The following HMGN2 variants were observed in gnomAD, a reference collection of about 807,000 sequenced individuals.
The protein encoded by HMGN2 is high mobility group nucleosomal binding domain 2.
In HMGN2, 2 loss-of-function variants were observed where a neutral mutation model predicts 16.9. That is an observed-to-expected ratio of 0.12 (90% CI 0.05 to 0.37). The LOEUF is 0.37. Ranked by LOEUF, HMGN2 falls within the 10% of genes least tolerant of loss-of-function variation. The probability of loss-of-function intolerance (pLI) is 1.00; values close to 1 mark genes in which losing one functional copy is unlikely to be tolerated. For synonymous variants in HMGN2, 31 were observed against 34.9 expected (o/e 0.89, Z 0.39); for missense variants, 90 against 106.0 (o/e 0.85, Z 0.66).
chr1:26,474,235 T>C, intron 4 of HMGN2, 100 bp downstream of exon 4: 1 of 848,504 alleles, frequency 1.2e-6, no homozygotes, highest in South Asian at 1.7e-5. Context: ...ATGGAGGTTA[T>C]AAACTGTGTG....
In HMGN2 at chr1:26,473,535, A is replaced by G. The variant is rs2075589626; in HGVS notation, c.60+8A>G. 6.2e-7 allele frequency: 1 copy of G among 1,609,836 alleles called. No homozygotes were observed. The highest frequency in any genetic ancestry group is 8.5e-7 in the Non-Finnish European group (1 of 1,176,068). Reference sequence around the variant, plus strand: ...GCAAAGGTGAAGGACGAAGTAAGTCATTCTCTCTTCAAGGGTCAAAGCCTT... The same window carrying G: ...GCAAAGGTGAAGGACGAAGTAAGTCGTTCTCTCTTCAAGGGTCAAAGCCTT... On this transcript the variant is annotated splice_region_variant and intron_variant, in intron 2 of 5. Coordinates refer to ENST00000361427, the MANE Select transcript of HMGN2 (RefSeq NM_005517.4).
rs972695361 is a variant in HMGN2, at chr1:26,474,657, A to G, written c.227A>G (p.Lys76Arg). 4.6e-6 allele frequency: 7 copies of G among 1,513,950 alleles called. No homozygotes were observed. Among genetic ancestry groups the G allele is most frequent in the African/African-American group, 2.7e-5 (2 of 72,952 alleles). 93.8% of individuals were successfully genotyped at this position (1,513,950 alleles called of 1,614,324 possible). Residue 76 changes from lysine to arginine, a missense_variant, in exon 5 of 6, where the codon AAA becomes AGA. Physicochemically the swap from Lys to Arg is conservative, Grantham distance 26 (BLOSUM62 2). Coordinates refer to ENST00000361427, the MANE Select transcript of HMGN2 (RefSeq NM_005517.4). ...GNNPAENGDAKTDQAQKAEGA... is the reference protein window; with the variant it reads ...GNNPAENGDARTDQAQKAEGA... ...AACCCTGCAGAAAATGGAGATGCCA[A>G]AACAGACCAGGTATAACTGCTGTTT...
intron 4 of HMGN2, 117 bp from the exon 5 acceptor site, chr1:26,474,455 G>C (rs1274773417): frequency 3.1e-6 from 2 of 652,474 alleles, no homozygotes; most frequent in Admixed American, 2.6e-5. Context: ...CTTGTCAAAT[G>C]GGTGAGGGTT....
intron 1 of HMGN2, 24 bp from the exon 2 acceptor site, chr1:26,473,459 G>A (rs756371425): frequency 3.1e-6 from 5 of 1,598,482 alleles, no homozygotes; most frequent in Admixed American, 1.7e-5. Flanking sequence ...AAAATCTGCA[G>A]TTTTTTGTTC....
intron 1 of HMGN2, 118 bp downstream of exon 1, chr1:26,472,745 C>A (rs1274628047): frequency 1.1e-6 from 1 of 922,216 alleles, no homozygotes; most frequent in Non-Finnish European, 1.6e-6. Flanking sequence ...CCTCCCCGCG[C>A]GGGGGCTGGA....
In HMGN2 at chr1:26,475,300, GT is replaced by G; in HGVS notation, c.*157del. ...TTAGCACACAGAACACTTCATTGTT[GT>G]TTTTGGGGGAAGGGGCATATGTCAC... On this transcript the variant is annotated 3_prime_UTR_variant, in exon 6 of 6. Coordinates refer to ENST00000361427, the MANE Select transcript of HMGN2 (RefSeq NM_005517.4). The G allele has an allele frequency of 5.7e-6, 3 of 524,950 alleles. No homozygotes were observed. The highest frequency in any genetic ancestry group is 6.7e-6 in the Non-Finnish European group (2 of 296,708). 32.5% of individuals were successfully genotyped at this position (524,950 alleles called of 1,614,324 possible).
rs80026640 is a variant in HMGN2, at chr1:26,474,070, T to C, written c.91-15T>C. On this transcript the variant is annotated splice_polypyrimidine_tract_variant and intron_variant, in intron 3 of 5. Transcript: ENST00000361427. ...TACTGATGTTCACTTTTTCCTCTCT[T>C]CCTGCCAAAAAAAGAAACCTGCTCC... 131 of 1,607,546 alleles carry C rather than the reference T, an allele frequency of 8.1e-5. No homozygotes were observed. In the African/African-American group the frequency reaches 1.5e-3, roughly 19 times the overall value.
intron 3 of HMGN2, 39 bp from the exon 4 acceptor site, chr1:26,474,046 A>G: frequency 1.3e-6 from 2 of 1,562,878 alleles, no homozygotes; most frequent in Non-Finnish European, 1.8e-6. Flanking sequence ...AGTCCATTGT[A>G]CTGATGTTCA....
chr1:26,473,314 GGA>G, intron 1 of HMGN2, 167 bp from the exon 2 acceptor site: 1 of 572,978 alleles, frequency 1.7e-6, no homozygotes, highest in Non-Finnish European at 3.1e-6. Flanking sequence ...TCGGCGAGCC[GGA>G]GCTCCTGCGC....
Position 26,475,244 on chromosome 1 carries a change from T to TA in HMGN2, c.*97dup. Reference sequence around the variant, plus strand: ...TTTATAAAAATGCAGAATTTTGTTTTACTTTTTTTTTTTTTTTAAAAGCTA... The same window carrying TA: ...TTTATAAAAATGCAGAATTTTGTTTTAACTTTTTTTTTTTTTTTAAAAGCTA... On this transcript the variant is annotated 3_prime_UTR_variant, in exon 6 of 6. Coordinates refer to ENST00000361427, the MANE Select transcript of HMGN2 (RefSeq NM_005517.4). 1 of 889,816 alleles carries TA rather than the reference T, an allele frequency of 1.1e-6. No individual in the cohort carries two copies. The highest frequency in any genetic ancestry group is 1.6e-5 in the South Asian group (1 of 62,208). The allele number at this position is 889,816 out of a possible 1,614,324, so 55.1% of individuals were successfully genotyped here. A position where few individuals can be genotyped will look rare whatever the true frequency, so the allele number is the denominator to read the frequency against.
intron 1 of HMGN2, 36 bp downstream of exon 1, chr1:26,472,663 A>G (rs1321224477): frequency 2.7e-6 from 4 of 1,505,702 alleles, no homozygotes; most frequent in East Asian, 2.5e-5. Flanking sequence ...CCGGGCCACC[A>G]CTGCCGCCAC....
At chr1:26,473,925 G>T in intron 3 of HMGN2, 160 bp from the exon 4 acceptor site, 1 of 790,228 alleles carries the variant, frequency 1.3e-6, no homozygotes, top group Non-Finnish European at 2.0e-6. Context: ...CATTTGAGTG[G>T]GCTTCTGGAA....
chr1:26,472,520 A>C lies in HMGN2; in HGVS notation c.-93A>C, dbSNP rs746630457. 5.0e-5 allele frequency: 72 copies of C among 1,439,288 alleles called. No individual in the cohort carries two copies. The highest frequency in any genetic ancestry group is 1.2e-4 in the Admixed American group (6 of 50,804). 89.2% of individuals were successfully genotyped at this position (1,439,288 alleles called of 1,614,324 possible). On this transcript the variant is annotated 5_prime_UTR_variant, in exon 1 of 6. Transcript: ENST00000361427. ...CCCCGGAGCCCGAGCAGTGTGAAGA[A>C]GAGGCGAGAACGACCCCCGGACCGA...
intron 5 of HMGN2, 39 bp downstream of exon 5, chr1:26,474,706 T>A: frequency 2.1e-6 from 2 of 969,930 alleles, no homozygotes; most frequent in Non-Finnish European, 3.3e-6. Context: ...ATTTGTTCAT[T>A]CAGTTAGTTG....
In HMGN2 at chr1:26,475,156, G is replaced by T; in HGVS notation, c.*8G>T. The T allele has an allele frequency of 1.3e-6, 2 of 1,587,404 alleles. No homozygotes were observed. The highest frequency in any genetic ancestry group is 1.7e-6 in the Non-Finnish European group (2 of 1,157,130). On this transcript the variant is annotated 3_prime_UTR_variant, in exon 6 of 6. Coordinates refer to ENST00000361427, the MANE Select transcript of HMGN2 (RefSeq NM_005517.4). ...GCTGGAGATGCCAAGTGAAGTGTGTGCATTTTTGATAACTGTGTACTTCTG... is the reference window on the plus strand; with the variant it reads ...GCTGGAGATGCCAAGTGAAGTGTGTTCATTTTTGATAACTGTGTACTTCTG...
Position 26,474,256 on chromosome 1 carries a change from C to T in HMGN2, c.141+121C>T, listed in dbSNP as rs2075593861. The T allele has an allele frequency of 5.7e-6, 4 of 700,828 alleles. No individual in the cohort carries two copies. The South Asian group carries it at 5.8e-5, about 10-fold the overall frequency. The allele number at this position is 700,828 out of a possible 1,614,324, so 43.4% of individuals were successfully genotyped here. A position where few individuals can be genotyped will look rare whatever the true frequency, so the allele number is the denominator to read the frequency against. On this transcript the variant is annotated intron_variant, in intron 4 of 5. Transcript: ENST00000361427. ...GTTATAAACTGTGTGGATAGCTTAC[C>T]TCGTCCGTGTCATTCATAACGTTGG...
At chr1:26,475,053 A>ATG in intron 5 of HMGN2, 60 bp from the exon 6 acceptor site, 1 of 1,363,286 alleles carries the variant, frequency 7.3e-7, no homozygotes, top group Non-Finnish European at 1.0e-6. Flanking sequence ...TGTAGGTGGA[A>ATG]TGTGAACACA....
intron 1 of HMGN2, 30 bp from the exon 2 acceptor site, chr1:26,473,453 T>C: frequency 1.3e-6 from 2 of 1,567,384 alleles, no homozygotes; most frequent in Non-Finnish European, 1.8e-6. Flanking sequence ...CACCTCAAAA[T>C]CTGCAGTTTT....
In HMGN2 at chr1:26,476,624, A is replaced by G. The variant is rs1381373279; in HGVS notation, c.*1476A>G. On this transcript the variant is annotated 3_prime_UTR_variant, in exon 6 of 6. Transcript: ENST00000361427. ...CCTGGCTGTATTGTTGGACAGGAAT[A>G]AAGTAAATTGGAGACTAATTGCTTT... is the stretch of plus-strand genomic sequence containing the variant. Among the ~76,000 whole-genome samples the G allele has an allele frequency of 2.0e-5, 3 of 152,256 alleles. No individual in the cohort carries two copies. The highest frequency in any genetic ancestry group is 2.9e-5 in the Non-Finnish European group (2 of 68,052).
Sources: gnomAD v4.1 joint callset for allele counts (sites outside exome capture counted in the v4.1 genomes callset) on GRCh38, gnomAD v4.1.1 for gene constraint, MANE v1.5 for transcripts, NCBI Gene and HGNC (gene_info 2026-07-23, HGNC 2026-07-21) for gene names.